OPCML: variants seen among roughly 807,000 people sequenced by gnomAD.
OPCML encodes opioid binding protein/cell adhesion molecule like, also known as opioid-binding protein/cell adhesion molecule.
Under a neutral mutation model 37.8 loss-of-function variants are expected in OPCML, and 13 were observed. The ratio of observed to expected loss-of-function variants is 0.34; its 90% CI spans 0.22 to 0.55. The LOEUF is 0.55. Among genes scored for constraint, OPCML ranks in the 20% least tolerant of loss-of-function variants. The pLI is 0.91. For missense variants in OPCML, 341 were observed against 435.6 expected (o/e 0.78, Z 1.93); for synonymous variants, 176 against 168.8 (o/e 1.04, Z -0.33).
chr11:133,106,581 A>G (rs141982334), intron 1 of OPCML, among the ~76,000 whole-genome samples: 67 of 152,302 alleles, frequency 4.4e-4, no homozygotes, highest in African/African-American at 1.5e-3. Flanking sequence ...GCAATGTGCT[A>G]CATCCAGATG....
intron 1 of OPCML, among the ~76,000 whole-genome samples, chr11:133,523,512 C>T (rs573884484): frequency 3.9e-5 from 6 of 152,154 alleles, no homozygotes; most frequent in African/African-American, 9.7e-5. Flanking sequence ...AGTAGTCTTC[C>T]GACTAGTCTA....
intron 1 of OPCML, among the ~76,000 whole-genome samples, chr11:133,500,853 G>A (rs1947895519): frequency 6.6e-6 from 1 of 152,082 alleles, no homozygotes; most frequent in African/African-American, 2.4e-5. Flanking sequence ...ACTGAACTGA[G>A]AAAGAAGGCA....
intron 4 of OPCML, among the ~76,000 whole-genome samples, chr11:132,441,170 T>TTTTTTTTTTTTG (rs2096032404): frequency 2.6e-5 from 3 of 113,526 alleles, no homozygotes; most frequent in Non-Finnish European, 3.7e-5. Context: ...TTTTTGTTTT[T>TTTTTTTTTTTTG]TTTTTTTTTT....
At chr11:132,798,282 A>G (rs1239103354) in intron 2 of OPCML, among the ~76,000 whole-genome samples, 1 of 151,928 alleles carries the variant, frequency 6.6e-6, no homozygotes, top group African/African-American at 2.4e-5. Context: ...TGTTGGCAAG[A>G]CTGGTCTTGA....
At chr11:132,615,295 C>A (rs963267260) in intron 3 of OPCML, among the ~76,000 whole-genome samples, 2 of 152,296 alleles carry the variant, frequency 1.3e-5, no homozygotes, top group Middle Eastern at 3.4e-3. Flanking sequence ...TCTGTCAAAA[C>A]TTGCAGAAGT....
chr11:133,322,264 G>T (rs941368559), intron 1 of OPCML, among the ~76,000 whole-genome samples: 8 of 152,204 alleles, frequency 5.3e-5, no homozygotes, highest in Non-Finnish European at 7.3e-5. Context: ...TAATTGGGCA[G>T]AGATGAATTA....
intron 1 of OPCML, among the ~76,000 whole-genome samples, chr11:133,116,639 GTATCTCAT>G (rs1370415471): frequency 3.3e-5 from 5 of 152,122 alleles, no homozygotes; most frequent in South Asian, 2.1e-4. Flanking sequence ...TCTTCTCAGA[GTATCTCAT>G]TAGGAGGCAT....
At chr11:133,251,092 T>TAGGGATGGAG (rs1414810510) in intron 1 of OPCML, among the ~76,000 whole-genome samples, 1 of 152,084 alleles carries the variant, frequency 6.6e-6, no homozygotes, top group Non-Finnish European at 1.5e-5. Flanking sequence ...CTCCATCATG[T>TAGGGATGGAG]TTATATAGGG....
At position 132,955,133 on chromosome 11, in the gene OPCML, C is replaced by T. The variant is rs191091248; in HGVS notation, c.62-12123G>A. ...ATGCGGTCCAGGGTGTCGAGCTTAGCTGTGAAAACATGCTGGACGGAGATG... is the reference window on the plus strand; with the variant it reads ...ATGCGGTCCAGGGTGTCGAGCTTAGTTGTGAAAACATGCTGGACGGAGATG... On this transcript the variant is annotated intron_variant, in intron 1 of 7. Transcript: ENST00000524381. Among the ~76,000 whole-genome samples, 339 of 152,238 alleles carry T rather than the reference C, an allele frequency of 2.2e-3. 4 individuals carry two copies. Among genetic ancestry groups the T allele is most frequent in the Non-Finnish European group, 4.3e-4 (29 of 68,018 alleles).
At chr11:132,615,939 C>A (rs1938980186) in intron 3 of OPCML, among the ~76,000 whole-genome samples, 1 of 152,108 alleles carries the variant, frequency 6.6e-6, no homozygotes, top group African/African-American at 2.4e-5. Flanking sequence ...TTGCGAGATG[C>A]ATAAAAGTAA....
chr11:133,405,913 A>G (rs1174027674), intron 1 of OPCML, among the ~76,000 whole-genome samples: 1 of 152,166 alleles, frequency 6.6e-6, no homozygotes, highest in Admixed American at 6.5e-5. Context: ...CAGGCAAGGT[A>G]GAGGCATGAC....
chr11:133,511,264 G>A (rs1467231325), intron 1 of OPCML, among the ~76,000 whole-genome samples: 1 of 152,112 alleles, frequency 6.6e-6, no homozygotes, highest in Admixed American at 6.6e-5. Flanking sequence ...CTGCCTCTAA[G>A]CTTTAGCAAC....
intron 4 of OPCML, among the ~76,000 whole-genome samples, chr11:132,458,265 C>A (rs1001776707): frequency 6.6e-6 from 1 of 152,122 alleles, no homozygotes; most frequent in African/African-American, 2.4e-5. Context: ...CCACTCGGAC[C>A]CAACTAACAT....
intron 1 of OPCML, among the ~76,000 whole-genome samples, chr11:133,265,464 C>T (rs1941628561): frequency 6.6e-6 from 1 of 152,136 alleles, no homozygotes; most frequent in African/African-American, 2.4e-5. Context: ...GTTTTCTGTC[C>T]TTCTAGAGAA....
chr11:132,819,843 A>G (rs7342203), intron 2 of OPCML, among the ~76,000 whole-genome samples: 97,530 of 152,024 alleles, frequency 0.64, 31,592 homozygotes, highest in East Asian at 0.76. Flanking sequence ...GCTCGCTAAA[A>G]AACACATGTT....
chr11:133,036,948 C>T (rs1177130246), intron 1 of OPCML, among the ~76,000 whole-genome samples: 2 of 152,140 alleles, frequency 1.3e-5, no homozygotes, highest in Non-Finnish European at 2.9e-5. Flanking sequence ...CTCTGTGATG[C>T]TCTGCAGGAG....
At chr11:133,122,350 T>G (rs2137117487) in intron 1 of OPCML, among the ~76,000 whole-genome samples, 1 of 151,490 alleles carries the variant, frequency 6.6e-6, no homozygotes, top group South Asian at 2.1e-4. Flanking sequence ...ATAGTAAGAG[T>G]GGTAGGGTAA....
intron 3 of OPCML, among the ~76,000 whole-genome samples, chr11:132,536,494 G>A (rs1249980554): frequency 6.6e-6 from 1 of 152,046 alleles, no homozygotes; most frequent in Non-Finnish European, 1.5e-5. Context: ...TTTCAAAATG[G>A]CTTAAAAATC....
chr11:133,185,636 A>C (rs1244862503), intron 1 of OPCML, among the ~76,000 whole-genome samples: 1 of 152,222 alleles, frequency 6.6e-6, no homozygotes, highest in East Asian at 1.9e-4. Context: ...GGGGTTAGGG[A>C]ATGAGAAGCA....
Sources: gnomAD v4.1 joint callset for allele counts (sites outside exome capture counted in the v4.1 genomes callset) on GRCh38, gnomAD v4.1.1 for gene constraint, MANE v1.5 for transcripts, NCBI Gene and HGNC (gene_info 2026-07-23, HGNC 2026-07-21) for gene names.